Variants in TRPC5 observed in about 807,000 individuals in gnomAD.
TRPC5 encodes transient receptor potential cation channel subfamily C member 5.
Under a neutral mutation model 56.5 loss-of-function variants are expected in TRPC5, and 9 were observed. That is an observed-to-expected ratio of 0.16 (90% confidence interval 0.10 to 0.28). The LOEUF is 0.28. Ranked by LOEUF, TRPC5 falls within the 10% of genes least tolerant of loss-of-function variation. The probability of loss-of-function intolerance (pLI) is 1.00; values close to 1 mark genes in which losing one functional copy is unlikely to be tolerated. For synonymous variants in TRPC5, 282 were observed against 278.5 expected, an observed-to-expected ratio of 1.01 and a Z score of -0.13; for missense variants, 469 against 748.9, an observed-to-expected ratio of 0.63 and a Z score of 4.36.
chrX:111,784,795 C>T (rs1196718033), intron 7 of TRPC5, among the ~76,000 whole-genome samples: 1 of 112,918 alleles, frequency 8.9e-6, no homozygotes, highest in Non-Finnish European at 1.9e-5. Context: ...GCAGGTCCCA[C>T]GCCCACGGAA....
intron 1 of TRPC5, among the ~76,000 whole-genome samples, chrX:112,026,346 C>A (rs1929411454): frequency 8.9e-6 from 1 of 112,505 alleles, no homozygotes; most frequent in Non-Finnish European, 1.9e-5. Context: ...AAACTTTGGA[C>A]AGATTGCTGG....
At chrX:111,816,149 G>T (rs1311396818) in intron 7 of TRPC5, among the ~76,000 whole-genome samples, 15 of 111,849 alleles carry the variant, frequency 1.3e-4, no homozygotes, top group Non-Finnish European at 1.9e-5. Flanking sequence ...AAACCAGCAG[G>T]CTGCCTTGCA....
rs766432430 is a variant in TRPC5, at chrX:112,068,905, G to A, written c.-22+12974C>T. Among the ~76,000 whole-genome samples the A allele has an allele frequency of 6.3e-5, 7 of 111,840 alleles. No individual in the cohort carries two copies. The South Asian group carries it at 2.3e-3, about 36-fold the overall frequency. ...AAGTATTGTATACTTTTTACACACAGTATCTTGTAGGATCAGCCAAGTCTA... is the reference window on the plus strand; with the variant it reads ...AAGTATTGTATACTTTTTACACACAATATCTTGTAGGATCAGCCAAGTCTA... On this transcript the variant is annotated intron_variant, in intron 1 of 10. Transcript: ENST00000262839.
chrX:111,896,744 A>G (rs930310495), intron 3 of TRPC5, among the ~76,000 whole-genome samples: 1 of 111,880 alleles, frequency 8.9e-6, no homozygotes, highest in Non-Finnish European at 1.9e-5. Flanking sequence ...TTGCTCCTGT[A>G]GTCACCTAAA....
At chrX:111,839,749 C>G (rs1292069565) in intron 6 of TRPC5, among the ~76,000 whole-genome samples, 1 of 110,957 alleles carries the variant, frequency 9.0e-6, no homozygotes, top group African/African-American at 3.3e-5. Flanking sequence ...AAATATCTCA[C>G]TCTGTTGTCC....
intron 7 of TRPC5, among the ~76,000 whole-genome samples, chrX:111,826,838 T>C (rs986571126): frequency 4.5e-5 from 5 of 111,947 alleles, no homozygotes; most frequent in Non-Finnish European, 9.4e-5. Context: ...AGGGCAGATA[T>C]TGGGCTCTTC....
At chrX:111,903,584 G>A (rs1194871771) in intron 3 of TRPC5, 2 of 112,363 alleles carry the variant, frequency 1.8e-5, no homozygotes, top group East Asian at 5.6e-4. Flanking sequence ...ACTGGATATC[G>A]CTGATTGAAA....
intron 7 of TRPC5, among the ~76,000 whole-genome samples, chrX:111,800,178 G>A (rs771214610): frequency 9.0e-6 from 1 of 111,025 alleles, no homozygotes; most frequent in African/African-American, 3.3e-5. Context: ...CTACCCCTAA[G>A]ACAGCAAGAT....
intron 1 of TRPC5, among the ~76,000 whole-genome samples, chrX:112,074,334 A>T (rs1930784378): frequency 1.9e-5 from 2 of 107,619 alleles, no homozygotes; most frequent in African/African-American, 3.4e-5. Context: ...TGGGACATGG[A>T]TGAAGCTGGA....
chrX:111,848,364 G>A (rs145160185), intron 5 of TRPC5, among the ~76,000 whole-genome samples: 1,324 of 111,596 alleles, frequency 0.012, 9 homozygotes, highest in Non-Finnish European at 0.018. Context: ...ACAAAATGAG[G>A]ATAATGCCTC....
intron 7 of TRPC5, among the ~76,000 whole-genome samples, chrX:111,829,301 CAA>C (rs34464345): frequency 0.14 from 2,969 of 21,845 alleles, 72 homozygotes; most frequent in African/African-American, 0.31. Flanking sequence ...GACTCTGTCT[CAA>C]AAAAAAAAAA....
chrX:111,893,647 CT>C (rs1476413364), intron 3 of TRPC5, among the ~76,000 whole-genome samples: 13 of 111,465 alleles, frequency 1.2e-4, no homozygotes, highest in Non-Finnish European at 2.5e-4. Flanking sequence ...CCTACTCCCC[CT>C]TTTTTTAGTT....
In TRPC5 at chrX:111,948,681, G is replaced by A. The variant is rs373260898; in HGVS notation, c.378+3362C>T. Among the ~76,000 whole-genome samples, 25 of 107,275 alleles carry A rather than the reference G, an allele frequency of 2.3e-4. No homozygotes were observed. In the South Asian group the frequency reaches 0.011, roughly 46 times the overall value. 93.2% of individuals were successfully genotyped at this position (107,275 alleles called of 115,157 possible). ...CAGGAGGCGGAGGTTGCAGTGAGCCGAGATTGTGCCACTGCACTCCAGCCT... is the reference window on the plus strand; with the variant it reads ...CAGGAGGCGGAGGTTGCAGTGAGCCAAGATTGTGCCACTGCACTCCAGCCT... On this transcript the variant is annotated intron_variant, in intron 2 of 10. Coordinates refer to ENST00000262839, the MANE Select transcript of TRPC5 (RefSeq NM_012471.3).
chrX:111,937,790 G>A (rs755761833), intron 2 of TRPC5, among the ~76,000 whole-genome samples: 4 of 103,239 alleles, frequency 3.9e-5, no homozygotes, highest in African/African-American at 1.4e-4. Flanking sequence ...GATGCCTCCA[G>A]CTTTGTTCTT....
At position 111,970,775 on chromosome X, in the gene TRPC5, G is replaced by GT. The variant is rs761229610; in HGVS notation, c.-21-18335dup. ...GTGAACTCAGGCAAGTCACATTACC[G>GT]TTTTTTTTTTTTTTGACAGAGCCTT... is the stretch of plus-strand genomic sequence containing the variant. On this transcript the variant is annotated intron_variant, in intron 1 of 10. Coordinates refer to ENST00000262839, the MANE Select transcript of TRPC5 (RefSeq NM_012471.3). 9.7e-3 allele frequency among the ~76,000 whole-genome samples: 905 copies of GT among 92,882 alleles called. 14 individuals are homozygous for GT. The highest frequency in any genetic ancestry group is 0.018 in the African/African-American group (448 of 24,348). The allele number at this position is 92,882 out of a possible 115,157, so 80.7% of individuals were successfully genotyped here. A position where few individuals can be genotyped will look rare whatever the true frequency, so the allele number is the denominator to read the frequency against.
At chrX:112,077,284 C>A (rs1484993601) in intron 1 of TRPC5, among the ~76,000 whole-genome samples, 11 of 111,774 alleles carry the variant, frequency 9.8e-5, no homozygotes, top group African/African-American at 3.6e-4. Flanking sequence ...CTCTCTTGCC[C>A]ACACTGAAGG....
intron 7 of TRPC5, among the ~76,000 whole-genome samples, chrX:111,827,477 C>T (rs905198030): frequency 9.0e-6 from 1 of 111,282 alleles, no homozygotes; most frequent in African/African-American, 3.3e-5. Context: ...CCTCCCTCCC[C>T]GACCAGGCCT....
At chrX:111,936,226 T>C (rs1926568264) in intron 2 of TRPC5, among the ~76,000 whole-genome samples, 1 of 111,787 alleles carries the variant, frequency 8.9e-6, no homozygotes, top group Non-Finnish European at 1.9e-5. Flanking sequence ...TAAATGAGAT[T>C]GCTTTCTTGA....
chrX:111,818,604 CTT>C (rs755881697), intron 7 of TRPC5, among the ~76,000 whole-genome samples: 12 of 93,582 alleles, frequency 1.3e-4, no homozygotes, highest in Admixed American at 1.2e-4. Flanking sequence ...TTCTTTTTCT[CTT>C]TTTTTTTTTT....
Sources: allele counts gnomAD v4.1 joint callset (sites outside exome capture counted in the v4.1 genomes callset), GRCh38; gene constraint gnomAD v4.1.1; transcripts MANE v1.5; gene names NCBI Gene and HGNC (gene_info 2026-07-23, HGNC 2026-07-21).